The following IGSF3 variants were observed in gnomAD, a reference collection of about 807,000 sequenced individuals.
The protein encoded by IGSF3 is immunoglobulin superfamily member 3, also known as glu-Trp-Ile EWI motif-containing protein 3.
A neutral mutation model predicts 114.4 loss-of-function variants in IGSF3; 23 were observed. That is an observed-to-expected ratio of 0.20 (90% CI 0.14 to 0.28). IGSF3 has a LOEUF of 0.28. Among genes scored for constraint, IGSF3 ranks in the 10% least tolerant of loss-of-function variants. The pLI is 1.00. For synonymous variants in IGSF3, 571 were observed against 645.2 expected (o/e 0.88, Z 1.74); for missense variants, 1,172 against 1,591.5 (o/e 0.74, Z 4.48).
Position 116,605,072 on chromosome 1 carries a change from T to C in IGSF3, c.1223-1047A>G, listed in dbSNP as rs1660738078. Among the ~76,000 whole-genome samples, 1 of 152,208 alleles carries C rather than the reference T, an allele frequency of 6.6e-6. No homozygotes were observed. Among genetic ancestry groups the C allele is most frequent in the Admixed American group, 6.5e-5 (1 of 15,282 alleles). ...GCCTAATATGTTTTAATTATACATG[T>C]AGTATTTTGTATAATTATCTATATT... On this transcript the variant is annotated intron_variant, in intron 5 of 10. Transcript: ENST00000369486. The surrounding 1 kb of genome is among the most constrained non-coding windows in gnomAD (Gnocchi z 5.1).
chr1:116,650,158 T>C lies in IGSF3; in HGVS notation c.43+16126A>G, dbSNP rs1648569867. On this transcript the variant is annotated intron_variant, in intron 2 of 10. Coordinates refer to ENST00000369486, the MANE Select transcript of IGSF3 (RefSeq NM_001007237.3). The surrounding 1 kb of genome is among the most constrained non-coding windows in gnomAD (Gnocchi z 5.0). Reference sequence around the variant, plus strand: ...CCTGTTTCATGCTCCTTTGAGGGAGTGTCTAACATAGGTTAGACACTATAA... The same window carrying C: ...CCTGTTTCATGCTCCTTTGAGGGAGCGTCTAACATAGGTTAGACACTATAA... Among the ~76,000 whole-genome samples the C allele has an allele frequency of 6.6e-6, 1 of 152,102 alleles. No homozygotes were observed. The highest frequency in any genetic ancestry group is 6.6e-5 in the Admixed American group (1 of 15,264).
rs1661047204 is a variant in IGSF3, at chr1:116,612,186, G to T, written c.832+1579C>A. On this transcript the variant is annotated intron_variant, in intron 4 of 10. Transcript: ENST00000369486. This position sits in a 1 kb window ranked among gnomAD's most constrained non-coding sequence, Gnocchi z 4.1. ...GACTCAAAATTTGGCCCAAATTTTTGAAGTTGATCTTAAAACTATCCAGGA... is the reference window on the plus strand; with the variant it reads ...GACTCAAAATTTGGCCCAAATTTTTTAAGTTGATCTTAAAACTATCCAGGA... Among the ~76,000 whole-genome samples the T allele has an allele frequency of 6.6e-6, 1 of 152,086 alleles. No homozygotes were observed. The highest frequency in any genetic ancestry group is 2.4e-5 in the African/African-American group (1 of 41,398).
chr1:116,648,167 G>C lies in IGSF3; in HGVS notation c.43+18117C>G, dbSNP rs1416297836. ...CAGCAGCAGCAAACACTGATCTGAT[G>C]ACACCCCAGTTTTGTAGAAGAGGAA... On this transcript the variant is annotated intron_variant, in intron 2 of 10. Coordinates refer to ENST00000369486, the MANE Select transcript of IGSF3 (RefSeq NM_001007237.3). This position sits in a 1 kb window ranked among gnomAD's most constrained non-coding sequence, Gnocchi z 4.7. 2.0e-5 allele frequency among the ~76,000 whole-genome samples: 3 copies of C among 152,164 alleles called. No individual in the cohort carries two copies. Among genetic ancestry groups the C allele is most frequent in the Non-Finnish European group, 4.4e-5 (3 of 68,030 alleles).
chr1:116,614,788 C>A lies in IGSF3; in HGVS notation c.422-613G>T, dbSNP rs1661155232. Among the ~76,000 whole-genome samples, 1 of 152,262 alleles carries A rather than the reference C, an allele frequency of 6.6e-6. No individual in the cohort carries two copies. Among genetic ancestry groups the A allele is most frequent in the South Asian group, 2.1e-4 (1 of 4,830 alleles). On this transcript the variant is annotated intron_variant, in intron 3 of 10. Coordinates refer to ENST00000369486, the MANE Select transcript of IGSF3 (RefSeq NM_001007237.3). This position sits in a 1 kb window ranked among gnomAD's most constrained non-coding sequence, Gnocchi z 4.5. ...CAAAGGGGTCCTCACTGGAAGGAAGCCACAGTCTGGAGAGATTCAGGCAAG... is the reference window on the plus strand; with the variant it reads ...CAAAGGGGTCCTCACTGGAAGGAAGACACAGTCTGGAGAGATTCAGGCAAG...
rs1339656205 is a variant in IGSF3, at chr1:116,624,195, T to A, written c.44-7738A>T. Among the ~76,000 whole-genome samples, 2 of 150,080 alleles carry A rather than the reference T, an allele frequency of 1.3e-5. No individual in the cohort carries two copies. Among genetic ancestry groups the A allele is most frequent in the Non-Finnish European group, 3.0e-5 (2 of 67,666 alleles). On this transcript the variant is annotated intron_variant, in intron 2 of 10. Transcript: ENST00000369486. This position sits in a 1 kb window ranked among gnomAD's most constrained non-coding sequence, Gnocchi z 4.9. ...CTCCAGCCTGGGTGACAGAGCGAGA[T>A]CTTGTCTCAAAAAAAAAAAAAAAAT...
rs994095230 is a variant in IGSF3 at position 116,576,802 on chromosome 1, A to G, written c.*510T>C. ...TTAAGAAAGTAAAAAACGTTTGGGT[A>G]TATTTTGATCCATGGGTGGCATTTT... On this transcript the variant is annotated 3_prime_UTR_variant, in exon 11 of 11. Coordinates refer to ENST00000369486, the MANE Select transcript of IGSF3 (RefSeq NM_001007237.3). The surrounding 1 kb of genome is among the most constrained non-coding windows in gnomAD (Gnocchi z 4.6). 2 of 153,674 alleles carry G rather than the reference A, an allele frequency of 1.3e-5. No individual in the cohort carries two copies. The highest frequency in any genetic ancestry group is 2.4e-5 in the African/African-American group (1 of 41,466). 9.5% of individuals were successfully genotyped at this position (153,674 alleles called of 1,614,324 possible). A position where few individuals can be genotyped will look rare whatever the true frequency, so the allele number is the denominator to read the frequency against.
At position 116,648,955 on chromosome 1, in the gene IGSF3, G is replaced by A. The variant is rs567768065; in HGVS notation, c.43+17329C>T. Among the ~76,000 whole-genome samples the A allele has an allele frequency of 9.0e-4, 137 of 152,272 alleles. No homozygotes were observed. Among genetic ancestry groups the A allele is most frequent in the Middle Eastern group, 3.4e-3 (1 of 294 alleles). ...ACACTGAGAGTCCTAGAGGTAGAAT[G>A]AGTCAGCCAGCAAGCTCCAGCCCAT... On this transcript the variant is annotated intron_variant, in intron 2 of 10. Coordinates refer to ENST00000369486, the MANE Select transcript of IGSF3 (RefSeq NM_001007237.3). The surrounding 1 kb of genome is among the most constrained non-coding windows in gnomAD (Gnocchi z 4.7).
Position 116,615,367 on chromosome 1 carries a change from T to C in IGSF3, c.421+713A>G, listed in dbSNP as rs1021691913. Among the ~76,000 whole-genome samples the C allele has an allele frequency of 6.6e-6, 1 of 150,942 alleles. No individual in the cohort carries two copies. Among genetic ancestry groups the C allele is most frequent in the Non-Finnish European group, 1.5e-5 (1 of 67,818 alleles). ...GTTAGAGAAAGTAAAAATAAACAAA[T>C]GATAGTATGTGTATTAATAAAAGAA... On this transcript the variant is annotated intron_variant, in intron 3 of 10. Coordinates refer to ENST00000369486, the MANE Select transcript of IGSF3 (RefSeq NM_001007237.3). The surrounding 1 kb of genome is among the most constrained non-coding windows in gnomAD (Gnocchi z 4.3).
At chr1:116,617,418 G>A (rs1278852787) in intron 2 of IGSF3, 8 of 971,734 alleles carry the variant, frequency 8.2e-6, no homozygotes, top group African/African-American at 1.8e-5. Context: ...GTCACGTACT[G>A]CAGGTTGTGA....
In IGSF3 at chr1:116,576,456, C is replaced by T. The variant is rs556226819; in HGVS notation, c.*856G>A. 21 of 152,832 alleles carry T rather than the reference C, an allele frequency of 1.4e-4. No homozygotes were observed. The highest frequency in any genetic ancestry group is 5.1e-4 in the African/African-American group (21 of 41,578). The allele number at this position is 152,832 out of a possible 1,614,324, so 9.5% of individuals were successfully genotyped here. On this transcript the variant is annotated 3_prime_UTR_variant, in exon 11 of 11. Coordinates refer to ENST00000369486, the MANE Select transcript of IGSF3 (RefSeq NM_001007237.3). This position sits in a 1 kb window ranked among gnomAD's most constrained non-coding sequence, Gnocchi z 4.6. ...CTAGTCACTGGCTTTGACAAATCTG[C>T]AGGTCAGCAGCTGCTAAAAGCAGCC... is the stretch of plus-strand genomic sequence containing the variant.
chr1:116,641,906 G>C (rs556365206), intron 2 of IGSF3, among the ~76,000 whole-genome samples: 2 of 151,444 alleles, frequency 1.3e-5, no homozygotes, highest in African/African-American at 4.9e-5. Context: ...TGGAGTGCAG[G>C]GGTATAATAA....
chr1:116,602,127 G>A (rs985461001), intron 6 of IGSF3, among the ~76,000 whole-genome samples: 3 of 152,038 alleles, frequency 2.0e-5, no homozygotes, highest in African/African-American at 4.8e-5. Flanking sequence ...CAGTCCTTTG[G>A]GCCACCTGAT....
intron 9 of IGSF3, among the ~76,000 whole-genome samples, chr1:116,581,058 A>C (rs982717557): frequency 6.6e-6 from 1 of 152,230 alleles, no homozygotes; most frequent in Non-Finnish European, 1.5e-5. Context: ...CCATGCAGTA[A>C]CTTAAATTTA....
intron 2 of IGSF3, among the ~76,000 whole-genome samples, chr1:116,656,319 T>C (rs1648846142): frequency 7.2e-6 from 1 of 139,588 alleles, no homozygotes; most frequent in African/African-American, 2.9e-5. Flanking sequence ...TTTTTTTTTT[T>C]TGACGGAGTC....
chr1:116,621,166 C>T lies in IGSF3; in HGVS notation c.44-4709G>A, dbSNP rs192825661. Among the ~76,000 whole-genome samples, 251 of 152,296 alleles carry T rather than the reference C, an allele frequency of 1.6e-3. 1 individual carries two copies. Among genetic ancestry groups the T allele is most frequent in the African/African-American group, 5.7e-3 (235 of 41,564 alleles). ...TTGCTCCTGCTTTGGCCACGTAAGG[C>T]GCGCCTGCTTCCCCTTCACCTTCCA... On this transcript the variant is annotated intron_variant, in intron 2 of 10. Transcript: ENST00000369486.
rs1457073493 is a variant in IGSF3, at chr1:116,615,429, C to G, written c.421+651G>C. On this transcript the variant is annotated intron_variant, in intron 3 of 10. Transcript: ENST00000369486. This position sits in a 1 kb window ranked among gnomAD's most constrained non-coding sequence, Gnocchi z 4.3. ...CACTGCTTAGTTGTGATAATAAAAA[C>G]TGGACATTAAGATAGGCAGAAAAAC... Among the ~76,000 whole-genome samples, 1 of 152,158 alleles carries G rather than the reference C, an allele frequency of 6.6e-6. No individual in the cohort carries two copies. Among genetic ancestry groups the G allele is most frequent in the Non-Finnish European group, 1.5e-5 (1 of 68,012 alleles).
Position 116,627,531 on chromosome 1 carries a change from G to A in IGSF3, c.44-11074C>T, listed in dbSNP as rs72697345. ...GGAGCTGGCAGGGCCCCAGCAGTGCGCCTCTCAATGCTCTCACAGCTTCAG... is the reference window on the plus strand; with the variant it reads ...GGAGCTGGCAGGGCCCCAGCAGTGCACCTCTCAATGCTCTCACAGCTTCAG... On this transcript the variant is annotated intron_variant, in intron 2 of 10. Coordinates refer to ENST00000369486, the MANE Select transcript of IGSF3 (RefSeq NM_001007237.3). This position sits in a 1 kb window ranked among gnomAD's most constrained non-coding sequence, Gnocchi z 4.7. Among the ~76,000 whole-genome samples, 5,274 of 152,324 alleles carry A rather than the reference G, an allele frequency of 0.035. 120 individuals carry two copies. The highest frequency in any genetic ancestry group is 0.053 in the Non-Finnish European group (3,611 of 68,024).
intron 2 of IGSF3, among the ~76,000 whole-genome samples, chr1:116,626,373 CCTCA>C (rs57748712): frequency 0.065 from 9,901 of 152,200 alleles, 1,058 homozygotes; most frequent in African/African-American, 0.22. Flanking sequence ...CAGTTTTCCT[CCTCA>C]AAGTTTTTGA....
rs970126187 is a variant in IGSF3 at position 116,627,735 on chromosome 1, C to T, written c.44-11278G>A. On this transcript the variant is annotated intron_variant, in intron 2 of 10. Coordinates refer to ENST00000369486, the MANE Select transcript of IGSF3 (RefSeq NM_001007237.3). The surrounding 1 kb of genome is among the most constrained non-coding windows in gnomAD (Gnocchi z 4.7). ...CCTGGATACAAAGGGGTGGCCCTGG[C>T]TTCAGGAAGCCCATGATAAGTCAGT... Among the ~76,000 whole-genome samples the T allele has an allele frequency of 1.3e-5, 2 of 152,142 alleles. No homozygotes were observed. The highest frequency in any genetic ancestry group is 2.9e-5 in the Non-Finnish European group (2 of 68,020).
Sources: allele counts gnomAD v4.1 joint callset (sites outside exome capture counted in the v4.1 genomes callset), GRCh38; gene constraint gnomAD v4.1.1; non-coding constraint Gnocchi (gnomAD v3.1); transcripts MANE v1.5; gene names NCBI Gene and HGNC (gene_info 2026-07-23, HGNC 2026-07-21).